The following DLG2 variants were observed in gnomAD, a reference collection of about 807,000 sequenced individuals.
The protein encoded by DLG2 is discs large MAGUK scaffold protein 2.
In DLG2, 45 loss-of-function variants were observed where a neutral mutation model predicts 132.5. The observed-to-expected ratio is 0.34, with a 90% confidence interval of 0.27 to 0.44. The LOEUF (loss-of-function observed/expected upper bound fraction) is 0.44. DLG2 is among the 20% of genes least tolerant of loss of function. The pLI, the probability that DLG2 is intolerant of heterozygous loss-of-function variation, is 1.00. For synonymous variants in DLG2, 424 were observed against 419.6 expected (o/e 1.01, Z -0.13); for missense variants, 1,045 against 1,196.9 (o/e 0.87, Z 1.87).
chr11:84,128,748 G>T (rs2094290593), intron 9 of DLG2, among the ~76,000 whole-genome samples: 1 of 151,934 alleles, frequency 6.6e-6, no homozygotes, highest in South Asian at 2.1e-4. Flanking sequence ...ACACTTCATT[G>T]ATATAATCAA....
intron 6 of DLG2, among the ~76,000 whole-genome samples, chr11:84,926,818 G>A (rs1416491048): frequency 6.6e-6 from 1 of 152,010 alleles, no homozygotes; most frequent in Non-Finnish European, 1.5e-5. Flanking sequence ...CACTCCATGA[G>A]CAAAAGTCAG....
Position 84,565,233 on chromosome 11 carries a change from C to G in DLG2, c.358-30502G>C, listed in dbSNP as rs183733050. Among the ~76,000 whole-genome samples, 179 of 152,208 alleles carry G rather than the reference C, an allele frequency of 1.2e-3. 3 individuals are homozygous for G. Among genetic ancestry groups the G allele is most frequent in the Admixed American group, 0.01 (160 of 15,282 alleles). On this transcript the variant is annotated intron_variant, in intron 6 of 27. Transcript: ENST00000376104. Reference sequence around the variant, plus strand: ...AGAAAATAGGTCTCAGTCAGTACTGCGCACTCAAATTACCTGTAAAATGTC... The same window carrying G: ...AGAAAATAGGTCTCAGTCAGTACTGGGCACTCAAATTACCTGTAAAATGTC...
At chr11:83,819,131 A>G (rs2049969638) in intron 17 of DLG2, among the ~76,000 whole-genome samples, 1 of 152,114 alleles carries the variant, frequency 6.6e-6, no homozygotes, top group South Asian at 2.1e-4. Flanking sequence ...CCCATCAACA[A>G]AGGGAGTTCC....
chr11:84,094,087 G>T lies in DLG2; in HGVS notation c.749+4836C>A, dbSNP rs529014248. On this transcript the variant is annotated intron_variant, in intron 10 of 27. Coordinates refer to ENST00000376104, the MANE Select transcript of DLG2 (RefSeq NM_001142699.3). ...AGTGGGTCTTTTAAGCGTCGTTGTT[G>T]TTTTTCTGCATTATAGCTTAGAAGA... Among the ~76,000 whole-genome samples, 13 of 151,938 alleles carry T rather than the reference G, an allele frequency of 8.6e-5. 1 individual carries two copies. Among genetic ancestry groups the T allele is most frequent in the Admixed American group, 8.5e-4 (13 of 15,238 alleles).
At chr11:84,681,658 C>T (rs1487013537) in intron 6 of DLG2, among the ~76,000 whole-genome samples, 1 of 152,054 alleles carries the variant, frequency 6.6e-6, no homozygotes, top group Non-Finnish European at 1.5e-5. Context: ...TGGGAATCTG[C>T]AGATGAGACA....
intron 16 of DLG2, among the ~76,000 whole-genome samples, chr11:83,844,159 C>A (rs1367919881): frequency 1.3e-5 from 2 of 151,866 alleles, no homozygotes. Context: ...AGGCTACACC[C>A]CAAACAAAAG....
At chr11:84,912,199 G>A (rs1475762661) in intron 6 of DLG2, among the ~76,000 whole-genome samples, 2 of 152,102 alleles carry the variant, frequency 1.3e-5, no homozygotes, top group African/African-American at 2.4e-5. Context: ...GCCCAGGCTG[G>A]AGCACAGCGG....
At chr11:85,208,504 T>C (rs1315076486) in intron 4 of DLG2, among the ~76,000 whole-genome samples, 2 of 152,146 alleles carry the variant, frequency 1.3e-5, no homozygotes, top group African/African-American at 2.4e-5. Context: ...AGACCTTCTA[T>C]TGTAACTAAG....
chr11:85,193,234 G>C lies in DLG2; in HGVS notation c.187-38583C>G, dbSNP rs1428428544. Among the ~76,000 whole-genome samples, 3 of 152,200 alleles carry C rather than the reference G, an allele frequency of 2.0e-5. No homozygotes were observed. In the East Asian group the frequency reaches 5.8e-4, roughly 29 times the overall value. On this transcript the variant is annotated intron_variant, in intron 4 of 27. Coordinates refer to ENST00000376104, the MANE Select transcript of DLG2 (RefSeq NM_001142699.3). The stretch of plus-strand genomic sequence containing the variant: ...GTTTTCAAGCTTCATCCATGTTTTA[G>C]CATGTATCAGCAGCACACGCTTTTT...
intron 6 of DLG2, among the ~76,000 whole-genome samples, chr11:84,699,711 C>T (rs1294768969): frequency 6.6e-6 from 1 of 151,558 alleles, no homozygotes; most frequent in Non-Finnish European, 1.5e-5. Context: ...GGGCTGGGTA[C>T]TGACTCTGCT....
At chr11:84,551,497 A>G (rs996088453) in intron 6 of DLG2, among the ~76,000 whole-genome samples, 1 of 152,212 alleles carries the variant, frequency 6.6e-6, no homozygotes, top group Non-Finnish European at 1.5e-5. Context: ...CATGACGTGC[A>G]TATGTATTAA....
chr11:83,860,016 T>C (rs1419946576), intron 16 of DLG2, among the ~76,000 whole-genome samples: 4 of 152,160 alleles, frequency 2.6e-5, no homozygotes, highest in East Asian at 1.9e-4. Flanking sequence ...AAGTCAAGAA[T>C]TGAGGTTTGG....
At chr11:84,443,910 TAC>T (rs1355973668) in intron 7 of DLG2, among the ~76,000 whole-genome samples, 1 of 152,094 alleles carries the variant, frequency 6.6e-6, no homozygotes, top group African/African-American at 2.4e-5. Flanking sequence ...GTTTTATGTT[TAC>T]ATTTTTATCA....
intron 19 of DLG2, among the ~76,000 whole-genome samples, chr11:83,558,002 A>G (rs955891817): frequency 3.3e-5 from 5 of 152,156 alleles, no homozygotes; most frequent in Non-Finnish European, 5.9e-5. Flanking sequence ...AAGCAGGAGG[A>G]CAATATGGAA....
chr11:83,731,169 T>C (rs962320657), intron 18 of DLG2, among the ~76,000 whole-genome samples: 4 of 152,222 alleles, frequency 2.6e-5, no homozygotes, highest in African/African-American at 9.6e-5. Flanking sequence ...GTGCAGAATG[T>C]GAAGGTTTGC....
rs947550583 is a variant in DLG2, at chr11:84,476,097, C to G, written c.519+58473G>C. On this transcript the variant is annotated intron_variant, in intron 7 of 27. Transcript: ENST00000376104. ...AAGATAATAAAATTCTAGTTATTAT[C>G]TACTCTCTAAGAACATATGTATTTA... is the stretch of plus-strand genomic sequence containing the variant. Among the ~76,000 whole-genome samples the G allele has an allele frequency of 2.0e-5, 3 of 152,122 alleles. No individual in the cohort carries two copies. The South Asian group carries it at 6.2e-4, about 31-fold the overall frequency.
intron 7 of DLG2, among the ~76,000 whole-genome samples, chr11:84,329,300 T>C (rs1487992991): frequency 6.6e-6 from 1 of 152,196 alleles, no homozygotes; most frequent in Non-Finnish European, 1.5e-5. Flanking sequence ...CATGCTGATA[T>C]GGTTTGGCTA....
chr11:85,014,719 T>A (rs1334267867), intron 6 of DLG2, among the ~76,000 whole-genome samples: 1 of 152,174 alleles, frequency 6.6e-6, no homozygotes, highest in Non-Finnish European at 1.5e-5. Context: ...CTAACACACA[T>A]CAGCTCCACA....
At chr11:84,524,540 C>A (rs1206300186) in intron 7 of DLG2, among the ~76,000 whole-genome samples, 2 of 152,230 alleles carry the variant, frequency 1.3e-5, no homozygotes, top group Non-Finnish European at 2.9e-5. Context: ...TCACAAATCT[C>A]TGCCAAACCT....
Sources: gnomAD v4.1 joint callset for allele counts (sites outside exome capture counted in the v4.1 genomes callset) on GRCh38, gnomAD v4.1.1 for gene constraint, MANE v1.5 for transcripts, NCBI Gene and HGNC (gene_info 2026-07-23, HGNC 2026-07-21) for gene names.